The following XKR6 variants were observed in gnomAD, a reference collection of about 807,000 sequenced individuals.
The protein encoded by XKR6 is XK related 6, also known as XK-related protein 6.
XKR6 carries 22 observed loss-of-function variants against 56.7 expected under a neutral mutation model. That is an observed-to-expected ratio of 0.39 (90% CI 0.28 to 0.55). XKR6 has a LOEUF of 0.55. Ranked by LOEUF, XKR6 falls within the 20% of genes least tolerant of loss-of-function variation. The probability of loss-of-function intolerance (pLI) is 0.66; values close to 1 mark genes in which losing one functional copy is unlikely to be tolerated. For synonymous variants in XKR6, 524 were observed against 387.8 expected, an observed-to-expected ratio of 1.35 and a Z score of -4.13; for missense variants, 852 against 889.0, an observed-to-expected ratio of 0.96 and a Z score of 0.53.
At chr8:11,093,439 A>C (rs535539129) in intron 1 of XKR6, among the ~76,000 whole-genome samples, 1 of 152,132 alleles carries the variant, frequency 6.6e-6, no homozygotes, top group East Asian at 1.9e-4. Context: ...TGCAAGAAAA[A>C]CTTTTCTGCG....
chr8:10,944,003 T>C (rs533210277), intron 1 of XKR6, among the ~76,000 whole-genome samples: 13 of 152,228 alleles, frequency 8.5e-5, no homozygotes, highest in Non-Finnish European at 1.8e-4. Flanking sequence ...TCTCCTCCAA[T>C]ATCCGAGCTC....
intron 1 of XKR6, among the ~76,000 whole-genome samples, chr8:11,044,586 A>C (rs1007643247): frequency 6.6e-6 from 1 of 151,774 alleles, no homozygotes; most frequent in Non-Finnish European, 1.5e-5. Flanking sequence ...CCCTCAGATC[A>C]TCCTCCCAAC....
rs1798302261 is a variant in XKR6, at chr8:11,003,859, T to C, written c.765-79029A>G. 2.0e-5 allele frequency among the ~76,000 whole-genome samples: 3 copies of C among 152,152 alleles called. No homozygotes were observed. The South Asian group carries it at 6.2e-4, about 32-fold the overall frequency. Reference sequence around the variant, plus strand: ...TTCTGCCTGTGATGAGAGCAAAAGGTTCCCAAGGGAGAAAAGAGTCCAGGT... The same window carrying C: ...TTCTGCCTGTGATGAGAGCAAAAGGCTCCCAAGGGAGAAAAGAGTCCAGGT... On this transcript the variant is annotated intron_variant, in intron 1 of 2. Coordinates refer to ENST00000416569, the MANE Select transcript of XKR6 (RefSeq NM_173683.4).
At chr8:11,011,522 C>A (rs12216875) in intron 1 of XKR6, among the ~76,000 whole-genome samples, 1 of 152,242 alleles carries the variant, frequency 6.6e-6, no homozygotes, top group Non-Finnish European at 1.5e-5. Flanking sequence ...CTAAGTGCCA[C>A]GTCTATTCCA....
chr8:11,124,105 C>A lies in XKR6; in HGVS notation c.764+76471G>T, dbSNP rs751947029. The stretch of plus-strand genomic sequence containing the variant: ...TTCCTACTAACATACTATATTTTTA[C>A]TTATTTACTTTATCTTCCCTACTAG... On this transcript the variant is annotated intron_variant, in intron 1 of 2. Coordinates refer to ENST00000416569, the MANE Select transcript of XKR6 (RefSeq NM_173683.4). 35 of 426,410 alleles carry A rather than the reference C, an allele frequency of 8.2e-5. 1 individual carries two copies. The highest frequency in any genetic ancestry group is 5.4e-4 in the South Asian group (33 of 60,824). 26.4% of individuals were successfully genotyped at this position (426,410 alleles called of 1,614,324 possible).
intron 1 of XKR6, among the ~76,000 whole-genome samples, chr8:11,187,403 G>A (rs558201852): frequency 6.6e-6 from 1 of 152,228 alleles, no homozygotes; most frequent in Non-Finnish European, 1.5e-5. Flanking sequence ...AAGCTGCATC[G>A]TGACACCATC....
chr8:11,114,729 G>A (rs7011781), intron 1 of XKR6, among the ~76,000 whole-genome samples: 2,656 of 28,298 alleles, frequency 0.094, 52 homozygotes, highest in African/African-American at 0.24. Context: ...GATCACATAT[G>A]TGTGTGTGTG....
At chr8:11,001,754 T>C (rs975271201) in intron 1 of XKR6, among the ~76,000 whole-genome samples, 2 of 152,214 alleles carry the variant, frequency 1.3e-5, no homozygotes, top group Admixed American at 1.3e-4. Context: ...AAGGACTTCC[T>C]GCCTGGCTCC....
chr8:11,194,678 C>A (rs1483458308), intron 1 of XKR6: 2 of 149,330 alleles, frequency 1.3e-5, no homozygotes, highest in Non-Finnish European at 2.9e-5. Context: ...ATCTTTCCAT[C>A]CCACAGAATC....
chr8:11,177,149 G>A (rs1802700417), intron 1 of XKR6, among the ~76,000 whole-genome samples: 2 of 152,182 alleles, frequency 1.3e-5, no homozygotes, highest in Non-Finnish European at 1.5e-5. Flanking sequence ...GATGGAAAAC[G>A]AGGGCACACC....
At chr8:11,076,843 G>T (rs980998680) in intron 1 of XKR6, among the ~76,000 whole-genome samples, 1 of 152,160 alleles carries the variant, frequency 6.6e-6, no homozygotes, top group African/African-American at 2.4e-5. Context: ...GAAAGTTCAG[G>T]CCTTTACAAG....
At chr8:11,094,816 G>A (rs1020397021) in intron 1 of XKR6, among the ~76,000 whole-genome samples, 12 of 152,126 alleles carry the variant, frequency 7.9e-5, no homozygotes, top group Admixed American at 2.0e-4. Flanking sequence ...GCCCAGGCCT[G>A]CCTGCACCTT....
intron 1 of XKR6, among the ~76,000 whole-genome samples, chr8:11,130,807 C>A (rs1444823231): frequency 2.0e-5 from 3 of 152,002 alleles, no homozygotes; most frequent in African/African-American, 7.3e-5. Flanking sequence ...CACATATGTG[C>A]ACACCTCCCA....
intron 1 of XKR6, among the ~76,000 whole-genome samples, chr8:11,114,489 G>C (rs1340262166): frequency 4.6e-5 from 7 of 152,104 alleles, no homozygotes; most frequent in Non-Finnish European, 8.8e-5. Flanking sequence ...AGCCTCCCAA[G>C]TAGCTGAGAT....
intron 1 of XKR6, among the ~76,000 whole-genome samples, chr8:11,010,745 C>A (rs145429620): frequency 1.9e-3 from 291 of 152,002 alleles, no homozygotes; most frequent in African/African-American, 6.9e-3. Flanking sequence ...TCTTTACTAC[C>A]TTTTTTTCTA....
intron 1 of XKR6, among the ~76,000 whole-genome samples, chr8:10,930,686 A>G (rs1339467083): frequency 2.0e-5 from 3 of 152,238 alleles, no homozygotes; most frequent in East Asian, 1.9e-4. Flanking sequence ...TAATAACCAC[A>G]CATCATAACA....
intron 1 of XKR6, among the ~76,000 whole-genome samples, chr8:11,084,057 C>A (rs934901229): frequency 1.3e-5 from 2 of 152,244 alleles, no homozygotes; most frequent in African/African-American, 2.4e-5. Flanking sequence ...CCTGTGTCTG[C>A]CCCATCCACA....
chr8:11,187,532 C>T (rs937773451), intron 1 of XKR6, among the ~76,000 whole-genome samples: 10 of 152,210 alleles, frequency 6.6e-5, no homozygotes, highest in South Asian at 4.2e-4. Flanking sequence ...TGTTGGTTCA[C>T]GAGTGGTTCT....
chr8:10,930,876 G>A (rs888640435), intron 1 of XKR6, among the ~76,000 whole-genome samples: 15 of 152,218 alleles, frequency 9.9e-5, no homozygotes, highest in African/African-American at 3.4e-4. Context: ...ACAGGGTTAT[G>A]ATGTCTACAC....
Sources: gnomAD v4.1 joint callset for allele counts (sites outside exome capture counted in the v4.1 genomes callset) on GRCh38, gnomAD v4.1.1 for gene constraint, MANE v1.5 for transcripts, NCBI Gene and HGNC (gene_info 2026-07-23, HGNC 2026-07-21) for gene names.